ERAP2: variants seen among roughly 807,000 people sequenced by gnomAD.
ERAP2 encodes the protein endoplasmic reticulum aminopeptidase 2.
In ERAP2, 118 loss-of-function variants were observed where a neutral mutation model predicts 111.1. The ratio of observed to expected loss-of-function variants is 1.06; its 90% CI spans 0.92 to 1.24. The LOEUF (loss-of-function observed/expected upper bound fraction) is 1.24. Ranked by LOEUF, ERAP2 falls within the 50% of genes most tolerant of loss-of-function variation. The pLI is 0.00. For missense variants in ERAP2, 1,131 were observed against 1,125.8 expected, an observed-to-expected ratio of 1.00 and a Z score of -0.07; for synonymous variants, 410 against 401.2, an observed-to-expected ratio of 1.02 and a Z score of -0.26.
rs1298655352 is a variant in ERAP2, at chr5:96,919,009, A to T, written c.*1404A>T. On this transcript the variant is annotated 3_prime_UTR_variant, in exon 19 of 19. Transcript: ENST00000437043. Reference sequence around the variant, plus strand: ...AAGATCACTCTACATACAGATAGTAAACTTAATTTGTGATCCTATATATGA... The same window carrying T: ...AAGATCACTCTACATACAGATAGTATACTTAATTTGTGATCCTATATATGA... 6.6e-6 allele frequency: 1 copy of T among 152,216 alleles called. No individual in the cohort carries two copies. The highest frequency in any genetic ancestry group is 2.4e-5 in the African/African-American group (1 of 41,452). 9.4% of individuals were successfully genotyped at this position (152,216 alleles called of 1,614,324 possible).
chr5:96,888,875 C>T (rs2278018), intron 4 of ERAP2, among the ~76,000 whole-genome samples: 83,482 of 151,978 alleles, frequency 0.55, 22,953 homozygotes, highest in Admixed American at 0.6. Flanking sequence ...ATCATAGAGA[C>T]GAACTCAAGT....
In ERAP2 at chr5:96,880,229, A is replaced by G. The variant is rs778740282; in HGVS notation, c.544A>G (p.Ser182Gly). 2.0e-5 allele frequency: 33 copies of G among 1,613,570 alleles called. No homozygotes were observed. Among genetic ancestry groups the G allele is most frequent in the Non-Finnish European group, 2.7e-5 (32 of 1,179,762 alleles). The change falls in exon 2 of 19, where the codon AGC becomes GGC. Residue 182 changes from serine to glycine, a missense_variant. Physicochemically the swap from Ser to Gly is moderately conservative, Grantham distance 56. Around this residue, in one of 3 missense-constraint regions of ERAP2, gnomAD observed 847 missense variants for 856.5 expected, o/e 0.99. Transcript: ENST00000437043. ...LGDGFEGFYK[S>G]TYRTLGGETR... Reference sequence around the variant, plus strand: ...TGATGGCTTTGAAGGGTTTTATAAAAGCACATACAGAACTCTTGGTGGTGA... The same window carrying G: ...TGATGGCTTTGAAGGGTTTTATAAAGGCACATACAGAACTCTTGGTGGTGA...
chr5:96,888,190 A>G (rs1230058563), intron 4 of ERAP2, among the ~76,000 whole-genome samples: 3 of 151,958 alleles, frequency 2.0e-5, no homozygotes, highest in Non-Finnish European at 2.9e-5. Flanking sequence ...TAAAGTATCT[A>G]TTACAATTTA....
At chr5:96,890,285 GGCATTAGATTCTCATAAGGAACAC>G (rs774354986) in intron 5 of ERAP2, among the ~76,000 whole-genome samples, 10 of 152,092 alleles carry the variant, frequency 6.6e-5, no homozygotes, top group Non-Finnish European at 1.3e-4. Flanking sequence ...CAGAGCATTG[GGCATTAGATTCTCATAAGGAACAC>G]GCAACTTAGA....
chr5:96,905,930 T>A (rs905942572), intron 13 of ERAP2, among the ~76,000 whole-genome samples: 13 of 140,602 alleles, frequency 9.2e-5, no homozygotes, highest in Non-Finnish European at 1.8e-4. Flanking sequence ...AGAGATAATT[T>A]TTTTTTCTTT....
intron 2 of ERAP2, among the ~76,000 whole-genome samples, chr5:96,882,415 T>C (rs1783237047): frequency 6.6e-6 from 1 of 152,180 alleles, no homozygotes; most frequent in Admixed American, 6.5e-5. Context: ...AATTAGTCAG[T>C]TCCCTTCATA....
Position 96,917,516 on chromosome 5 carries a change from C to A in ERAP2, c.2794C>A (p.Gln932Lys). The A allele has an allele frequency of 1.2e-6, 2 of 1,613,564 alleles. No homozygotes were observed. Among genetic ancestry groups the A allele is most frequent in the South Asian group, 1.1e-5 (1 of 91,046 alleles). ...EAQGSHLDIF[Q>K]TVLETITKNI... ...TCAAGGATCACATCTGGATATTTTTCAAACTGTTCTGGAAACGATAACCAA... is the reference window on the plus strand; with the variant it reads ...TCAAGGATCACATCTGGATATTTTTAAAACTGTTCTGGAAACGATAACCAA... Residue 932 changes from glutamine to lysine, a missense_variant, in exon 19 of 19, where the codon CAA becomes AAA. Around this residue, in one of 3 missense-constraint regions of ERAP2, gnomAD observed 279 missense variants for 250.9 expected, o/e 1.11. Coordinates refer to ENST00000437043, the MANE Select transcript of ERAP2 (RefSeq NM_022350.5).
chr5:96,910,234 C>T (rs559035844), intron 15 of ERAP2: 1 of 146,286 alleles, frequency 6.8e-6, no homozygotes, highest in Non-Finnish European at 1.5e-5. Context: ...CACTGCACTG[C>T]AGTCTGGGCA....
chr5:96,899,301 C>T (rs1226836836), intron 9 of ERAP2, among the ~76,000 whole-genome samples: 3 of 152,182 alleles, frequency 2.0e-5, no homozygotes, highest in Non-Finnish European at 4.4e-5. Flanking sequence ...CCCCATCAAT[C>T]TTCCCCTAAA....
In ERAP2 at chr5:96,891,594, C is replaced by T. The variant is rs1000346644; in HGVS notation, c.971-705C>T. ...TGGTACACACACACACACACACACACGTAATGCAAATTAGTGCATTATACC... is the reference window on the plus strand; with the variant it reads ...TGGTACACACACACACACACACACATGTAATGCAAATTAGTGCATTATACC... On this transcript the variant is annotated intron_variant, in intron 5 of 18. Coordinates refer to ENST00000437043, the MANE Select transcript of ERAP2 (RefSeq NM_022350.5). 7.3e-4 allele frequency among the ~76,000 whole-genome samples: 110 copies of T among 150,002 alleles called. 3 individuals carry two copies. Among genetic ancestry groups the T allele is most frequent in the Admixed American group, 2.0e-4 (3 of 15,038 alleles).
In ERAP2 at chr5:96,896,479, T is replaced by C. The variant is rs1784867788; in HGVS notation, c.1346T>C (p.Met449Thr). Residue 449 changes from methionine to threonine, a missense_variant, in exon 8 of 19, where the codon ATG (methionine) becomes ACG (threonine). By Grantham distance (81) the Met-to-Thr change is moderately conservative. Transcript: ENST00000437043. ...GAAACCCCGACTCAAATACAGGAAATGTTTGATGAAGTTTCCTATAACAAG... is the reference window on the plus strand; with the variant it reads ...GAAACCCCGACTCAAATACAGGAAACGTTTGATGAAGTTTCCTATAACAAG... ...PAETPTQIQE[M>T]FDEVSYNKGA... The C allele has an allele frequency of 6.2e-7, 1 of 1,613,482 alleles. No homozygotes were observed. The highest frequency in any genetic ancestry group is 8.5e-7 in the Non-Finnish European group (1 of 1,179,658).
chr5:96,896,224 A>G, intron 7 of ERAP2, 149 bp from the exon 8 acceptor site: 1 of 542,732 alleles, frequency 1.8e-6, no homozygotes, highest in Non-Finnish European at 3.2e-6. Context: ...CTTTGGCCAA[A>G]GGGGAATACA....
intron 16 of ERAP2, 24 bp downstream of exon 16, chr5:96,912,822 T>C: frequency 1.9e-6 from 3 of 1,569,200 alleles, no homozygotes; most frequent in South Asian, 1.2e-5. Flanking sequence ...TTTAACTAAA[T>C]TGTTATAAGT....
intron 15 of ERAP2, 79 bp from the exon 16 acceptor site, chr5:96,912,558 T>C: frequency 1.9e-6 from 2 of 1,027,176 alleles, no homozygotes; most frequent in Non-Finnish European, 2.9e-6. Flanking sequence ...ATTATTGTGT[T>C]ATAGGACTTA....
chr5:96,918,260 A>T lies in ERAP2; in HGVS notation c.*655A>T, dbSNP rs1401958095. On this transcript the variant is annotated 3_prime_UTR_variant, in exon 19 of 19. Coordinates refer to ENST00000437043, the MANE Select transcript of ERAP2 (RefSeq NM_022350.5). ...CTCAAGTGACTTTCTCCATTGCTTC[A>T]CGCTATGCCACTATTTTGCTTCTTT... The T allele has an allele frequency of 6.6e-6, 1 of 152,368 alleles. No individual in the cohort carries two copies. The highest frequency in any genetic ancestry group is 1.5e-5 in the Non-Finnish European group (1 of 68,056). The allele number at this position is 152,368 out of a possible 1,614,324, so 9.4% of individuals were successfully genotyped here.
At chr5:96,881,872 A>G (rs1411421707) in intron 2 of ERAP2, among the ~76,000 whole-genome samples, 1 of 152,252 alleles carries the variant, frequency 6.6e-6, no homozygotes, top group Non-Finnish European at 1.5e-5. Flanking sequence ...AGAATGAGTC[A>G]TAGCCTCACC....
At chr5:96,886,045 G>A (rs951703791) in intron 3 of ERAP2, among the ~76,000 whole-genome samples, 1 of 152,212 alleles carries the variant, frequency 6.6e-6, no homozygotes, top group Admixed American at 6.5e-5. Flanking sequence ...GTGAGAGAAT[G>A]AGCATCATCT....
At chr5:96,882,371 T>C (rs1783232891) in intron 2 of ERAP2, among the ~76,000 whole-genome samples, 2 of 152,204 alleles carry the variant, frequency 1.3e-5, no homozygotes, top group Non-Finnish European at 1.5e-5. Context: ...CTCCCGTGAT[T>C]AATTGCAGGC....
At chr5:96,883,533 A>G (rs940915134) in intron 2 of ERAP2, among the ~76,000 whole-genome samples, 1 of 152,204 alleles carries the variant, frequency 6.6e-6, no homozygotes, top group Admixed American at 6.5e-5. Flanking sequence ...TCTGAGCCTC[A>G]ATATCCTTGT....
Sources: allele counts gnomAD v4.1 joint callset (sites outside exome capture counted in the v4.1 genomes callset), GRCh38; gene constraint gnomAD v4.1.1; regional missense constraint gnomAD v4.1.1; transcripts MANE v1.5; gene names NCBI Gene and HGNC (gene_info 2026-07-23, HGNC 2026-07-21).